The following NELL1 variants were observed in gnomAD, a reference collection of about 807,000 sequenced individuals.
NELL1 encodes the protein protein kinase C-binding protein NELL1.
Under a neutral mutation model 107.4 loss-of-function variants are expected in NELL1, and 76 were observed. The observed-to-expected ratio is 0.71, with a 90% confidence interval of 0.59 to 0.86. NELL1 has a LOEUF of 0.86. Among genes scored for constraint, NELL1 ranks in the 40% least tolerant of loss-of-function variants. The pLI, the probability that NELL1 is intolerant of heterozygous loss-of-function variation, is 0.00. For synonymous variants in NELL1, 353 were observed against 341.2 expected, an observed-to-expected ratio of 1.03 and a Z score of -0.38; for missense variants, 1,024 against 1,005.5, an observed-to-expected ratio of 1.02 and a Z score of -0.25.
chr11:21,570,636 T>G, intron 17 of NELL1, 128 bp from the exon 18 acceptor site: 1 of 691,294 alleles, frequency 1.4e-6, no homozygotes, highest in Non-Finnish European at 2.3e-6. Context: ...CACACATGTG[T>G]GCTTCAGTTT....
intron 13 of NELL1, among the ~76,000 whole-genome samples, chr11:21,188,997 C>T (rs1856993117): frequency 6.6e-6 from 1 of 151,860 alleles, no homozygotes; most frequent in Non-Finnish European, 1.5e-5. Context: ...TATGCTGCTA[C>T]TCTATGTCCC....
chr11:21,058,087 C>T (rs1853653640), intron 12 of NELL1, among the ~76,000 whole-genome samples: 1 of 151,976 alleles, frequency 6.6e-6, no homozygotes, highest in South Asian at 2.1e-4. Context: ...GATTTTAATA[C>T]TCACCAGTGG....
chr11:21,195,063 C>T (rs1185220814), intron 13 of NELL1, among the ~76,000 whole-genome samples: 2 of 152,104 alleles, frequency 1.3e-5, no homozygotes, highest in Non-Finnish European at 2.9e-5. Flanking sequence ...ACTAATGTCT[C>T]TGAGCTTCAT....
chr11:20,780,814 A>T (rs1162528859), intron 2 of NELL1, among the ~76,000 whole-genome samples: 1 of 152,120 alleles, frequency 6.6e-6, no homozygotes, highest in African/African-American at 2.4e-5. Context: ...CAGAGGGACA[A>T]GCATGAAGAT....
intron 15 of NELL1, among the ~76,000 whole-genome samples, chr11:21,401,373 A>G (rs1205490897): frequency 6.6e-6 from 1 of 151,824 alleles, no homozygotes; most frequent in Non-Finnish European, 1.5e-5. Flanking sequence ...TACTTTGAGA[A>G]ATATGAAATG....
At position 21,125,753 on chromosome 11, in the gene NELL1, G is replaced by A. The variant is rs116984694; in HGVS notation, c.1426+12039G>A. 4.8e-3 allele frequency among the ~76,000 whole-genome samples: 726 copies of A among 152,302 alleles called. 3 individuals carry two copies. The highest frequency in any genetic ancestry group is 0.037 in the Middle Eastern group (11 of 294). ...ATGTTAGGTGGGAGTGCATTGAGAA[G>A]TAATTGTGCCTGTTGCTTGAGAAAT... is the stretch of plus-strand genomic sequence containing the variant. On this transcript the variant is annotated intron_variant, in intron 13 of 19. Transcript: ENST00000357134.
chr11:21,131,680 G>T (rs1334625118), intron 13 of NELL1, among the ~76,000 whole-genome samples: 1 of 152,038 alleles, frequency 6.6e-6, no homozygotes, highest in Non-Finnish European at 1.5e-5. Flanking sequence ...ATCATTTGGA[G>T]CATTGCAATT....
intron 12 of NELL1, among the ~76,000 whole-genome samples, chr11:21,030,355 T>C (rs547357528): frequency 1.3e-5 from 2 of 152,322 alleles, no homozygotes; most frequent in East Asian, 3.9e-4. Flanking sequence ...GACCTTTTAG[T>C]CGTACAGACA....
intron 2 of NELL1, among the ~76,000 whole-genome samples, chr11:20,680,581 T>C (rs1854166271): frequency 6.6e-6 from 1 of 152,094 alleles, no homozygotes. Flanking sequence ...ATATTTCTGT[T>C]CCAAAGGAAG....
At chr11:20,897,762 T>A (rs1849779451) in intron 5 of NELL1, among the ~76,000 whole-genome samples, 1 of 152,210 alleles carries the variant, frequency 6.6e-6, no homozygotes, top group Admixed American at 6.5e-5. Flanking sequence ...GCAAAGTATA[T>A]GGATAGACAC....
chr11:21,229,579 C>G, intron 14 of NELL1, 125 bp downstream of exon 14: 2 of 1,316,496 alleles, frequency 1.5e-6, no homozygotes, highest in Admixed American at 2.2e-5. Flanking sequence ...CCTGGTTTAT[C>G]AACTGGCAAG....
chr11:20,837,894 T>A (rs1848561733), intron 3 of NELL1, among the ~76,000 whole-genome samples: 1 of 152,126 alleles, frequency 6.6e-6, no homozygotes, highest in Non-Finnish European at 1.5e-5. Flanking sequence ...GTAAAATGAA[T>A]CTTTTCATTT....
intron 2 of NELL1, among the ~76,000 whole-genome samples, chr11:20,706,555 G>A (rs1010904217): frequency 1.3e-5 from 2 of 151,132 alleles, no homozygotes; most frequent in African/African-American, 4.9e-5. Context: ...AGCATTAGGA[G>A]ATATACCTAA....
chr11:20,687,217 T>A (rs930083795), intron 2 of NELL1, among the ~76,000 whole-genome samples: 3 of 152,018 alleles, frequency 2.0e-5, no homozygotes, highest in Non-Finnish European at 4.4e-5. Flanking sequence ...ATTATTTAAT[T>A]TTTATGAGTA....
intron 13 of NELL1, among the ~76,000 whole-genome samples, chr11:21,197,667 A>T (rs1318742375): frequency 2.0e-5 from 3 of 152,208 alleles, no homozygotes; most frequent in Admixed American, 2.0e-4. Flanking sequence ...TTAAGTGATA[A>T]CTGAAGACTA....
intron 14 of NELL1, among the ~76,000 whole-genome samples, chr11:21,239,666 G>T (rs1858301292): frequency 6.6e-6 from 1 of 151,942 alleles, no homozygotes; most frequent in African/African-American, 2.4e-5. Flanking sequence ...GAGGTATGAG[G>T]TATCATTACT....
chr11:20,755,563 T>TTTTTTTTTTATTTTA (rs1590264076), intron 2 of NELL1, among the ~76,000 whole-genome samples: 5 of 19,108 alleles, frequency 2.6e-4, no homozygotes, highest in Admixed American at 7.6e-4. Flanking sequence ...TTTGTTTTTG[T>TTTTTTTTTTATTTTA]TTTTTTTTTT....
chr11:21,336,674 T>TACACACACAC (rs1555005791), intron 14 of NELL1, among the ~76,000 whole-genome samples: 1,640 of 130,480 alleles, frequency 0.013, 14 homozygotes, highest in African/African-American at 0.015. Context: ...TATATATATA[T>TACACACACAC]ACACACACAC....
At chr11:21,089,942 A>G (rs1332996644) in intron 12 of NELL1, among the ~76,000 whole-genome samples, 3 of 152,170 alleles carry the variant, frequency 2.0e-5, no homozygotes, top group Admixed American at 2.0e-4. Flanking sequence ...AGGCTTTCGT[A>G]TGGTGCTTAT....
Sources: allele counts gnomAD v4.1 joint callset (sites outside exome capture counted in the v4.1 genomes callset), GRCh38; gene constraint gnomAD v4.1.1; transcripts MANE v1.5; gene names NCBI Gene and HGNC (gene_info 2026-07-23, HGNC 2026-07-21).